The following CHRNB2 variants were observed in gnomAD, a reference collection of about 807,000 sequenced individuals.
The protein encoded by CHRNB2 is neuronal acetylcholine receptor subunit beta-2.
CHRNB2 carries 33 observed loss-of-function variants against 42.7 expected under a neutral mutation model. The observed-to-expected ratio is 0.77, with a 90% confidence interval of 0.59 to 1.03. CHRNB2 has a LOEUF of 1.03. Ranked by LOEUF, CHRNB2 falls within the 50% of genes least tolerant of loss-of-function variation. CHRNB2 has a pLI of 0.00. For missense variants in CHRNB2, 603 were observed against 700.9 expected, an observed-to-expected ratio of 0.86 and a Z score of 1.58; for synonymous variants, 325 against 292.9, an observed-to-expected ratio of 1.11 and a Z score of -1.12.
Position 154,572,015 on chromosome 1 carries a change from G to T in CHRNB2, c.1192G>T (p.Gly398Trp). Residue 398 changes from glycine (G) to tryptophan (W), a missense_variant, in exon 5 of 6, where the codon GGG becomes TGG. Around this residue, in one of 2 missense-constraint regions of CHRNB2, gnomAD observed 270 missense variants for 248.3 expected, o/e 1.09. Transcript: ENST00000368476. ...CTTCGTCAACCGCGCGTCGGTGCAG[G>T]GGTTGGCCGGGGCCTTCGGGGCTGA... ...TCFVNRASVQGLAGAFGAEPA... is the reference protein window; with the variant it reads ...TCFVNRASVQWLAGAFGAEPA... 1 of 1,533,974 alleles carries T rather than the reference G, an allele frequency of 6.5e-7. No homozygotes were observed.
At chr1:154,574,441 T>G (rs539757309) in intron 5 of CHRNB2, among the ~76,000 whole-genome samples, 1 of 152,334 alleles carries the variant, frequency 6.6e-6, no homozygotes, top group South Asian at 2.1e-4. Context: ...CTAGTTTCCT[T>G]CAATCTGGAA....
In CHRNB2 at chr1:154,571,357, C is replaced by T. The variant is rs1211673895; in HGVS notation, c.534C>T (p.Tyr178=). The T allele has an allele frequency of 8.1e-6, 13 of 1,614,214 alleles. No individual in the cohort carries two copies. Among genetic ancestry groups the T allele is most frequent in the African/African-American group, 1.3e-5 (1 of 75,040 alleles). ...NCTMKFRSWT[Y]DRTEIDLVLK... The stretch of plus-strand genomic sequence containing the variant: ...CCATGAAGTTCCGTTCGTGGACCTA[C>T]GACCGCACAGAGATCGACTTGGTGC... The change falls in exon 5 of 6, where the codon TAC becomes TAT. Residue 178 remains tyrosine, a synonymous_variant. Transcript: ENST00000368476. This position sits in a 1 kb window ranked among gnomAD's most constrained non-coding sequence, Gnocchi z 6.8.
chr1:154,577,892 G>A lies in CHRNB2; in HGVS notation c.*1960G>A, dbSNP rs954450305. On this transcript the variant is annotated 3_prime_UTR_variant, in exon 6 of 6. Coordinates refer to ENST00000368476, the MANE Select transcript of CHRNB2 (RefSeq NM_000748.3). ...TCTGGGTCAGCACCTCCTGACACAGGTGTGTGCTCAGGGACCCCAGGCTCT... is the reference window on the plus strand; with the variant it reads ...TCTGGGTCAGCACCTCCTGACACAGATGTGTGCTCAGGGACCCCAGGCTCT... 3 of 152,294 alleles carry A rather than the reference G, an allele frequency of 2.0e-5. No homozygotes were observed. Among genetic ancestry groups the A allele is most frequent in the Admixed American group, 6.5e-5 (1 of 15,270 alleles). 9.4% of individuals were successfully genotyped at this position (152,294 alleles called of 1,614,324 possible).
rs751625142 is a variant in CHRNB2 at position 154,571,914 on chromosome 1, G to T, written c.1091G>T (p.Arg364Leu). 1.3e-6 allele frequency: 2 copies of T among 1,571,070 alleles called. No individual in the cohort carries two copies. Among genetic ancestry groups the T allele is most frequent in the South Asian group, 1.1e-5 (1 of 87,438 alleles). ...HHCARQRLRL[R>L]RRQREREGAG... ...TGCGCCCGTCAGCGCCTGCGCCTGC[G>T]GCGACGCCAGCGTGAGCGCGAGGGC... The change falls in exon 5 of 6, where the codon CGG (arginine) becomes CTG (leucine). Residue 364 changes from arginine (R) to leucine (L), a missense_variant. Arg to Leu is a moderately radical substitution (Grantham distance 102). Around this residue, in one of 2 missense-constraint regions of CHRNB2, gnomAD observed 270 missense variants for 248.3 expected, o/e 1.09. Transcript: ENST00000368476. This position sits in a 1 kb window ranked among gnomAD's most constrained non-coding sequence, Gnocchi z 6.8.
rs1341049884 is a variant in CHRNB2, at chr1:154,572,004, C to T, written c.1181C>T (p.Ala394Val). 9.8e-6 allele frequency: 15 copies of T among 1,535,158 alleles called. No individual in the cohort carries two copies. The South Asian group carries it at 1.4e-4, about 15-fold the overall frequency. ...ADSCTCFVNR[A>V]SVQGLAGAFG... is the part of the protein sequence containing the mutation. ...TCCTGCACGTGCTTCGTCAACCGCG[C>T]GTCGGTGCAGGGGTTGGCCGGGGCC... Residue 394 changes from alanine (A) to valine (V), a missense_variant, in exon 5 of 6, where the codon GCG (alanine) becomes GTG (valine). This residue lies in a region of CHRNB2 where 270 missense variants were observed against 248.3 expected (regional missense o/e 1.09). Transcript: ENST00000368476.
Position 154,579,975 on chromosome 1 carries a change from C to T in CHRNB2, c.*4043C>T, listed in dbSNP as rs1196641176. On this transcript the variant is annotated 3_prime_UTR_variant, in exon 6 of 6. Transcript: ENST00000368476. ...GGGAGAATGCTGGAGAAACTGGACT[C>T]GTGAGAGCTTAAAGACATCACAAGA... 1.3e-5 allele frequency: 2 copies of T among 152,250 alleles called. No homozygotes were observed. The highest frequency in any genetic ancestry group is 2.1e-4 in the South Asian group (1 of 4,834). 9.4% of individuals were successfully genotyped at this position (152,250 alleles called of 1,614,324 possible).
At position 154,568,038 on chromosome 1, in the gene CHRNB2, C is replaced by G; in HGVS notation, c.-7C>G. ...GTGTAGGCGAGGCAGCGAGCTATGC[C>G]CGCGGCATGGCCCGGCGCTGCGGCC... On this transcript the variant is annotated 5_prime_UTR_variant, in exon 1 of 6. Coordinates refer to ENST00000368476, the MANE Select transcript of CHRNB2 (RefSeq NM_000748.3). The G allele has an allele frequency of 6.3e-7, 1 of 1,588,158 alleles. No homozygotes were observed. The highest frequency in any genetic ancestry group is 8.5e-7 in the Non-Finnish European group (1 of 1,169,948).
chr1:154,574,820 A>G (rs1696241132), intron 5 of CHRNB2, among the ~76,000 whole-genome samples: 1 of 152,132 alleles, frequency 6.6e-6, no homozygotes, highest in Non-Finnish European at 1.5e-5. Flanking sequence ...TTGCCAAGCG[A>G]GTGAGTTCTT....
chr1:154,568,145 C>T (rs1446344737), intron 1 of CHRNB2, 37 bp downstream of exon 1: 1 of 1,575,250 alleles, frequency 6.3e-7, no homozygotes, highest in African/African-American at 1.3e-5. Context: ...GTTCTCCTAC[C>T]CCAGCCAACG....
rs1209278491 is a variant in CHRNB2 at position 154,571,339 on chromosome 1, G to A, written c.516G>A (p.Lys172=). ...TTGACCAGCAGAACTGCACCATGAA[G>A]TTCCGTTCGTGGACCTACGACCGCA... ...FPFDQQNCTM[K]FRSWTYDRTE... is the part of the protein sequence containing the mutation. The change falls in exon 5 of 6, where the codon AAG becomes AAA. Residue 172 remains lysine (K), a synonymous_variant. Transcript: ENST00000368476. This position sits in a 1 kb window ranked among gnomAD's most constrained non-coding sequence, Gnocchi z 6.8. The A allele has an allele frequency of 3.1e-6, 5 of 1,614,200 alleles. No individual in the cohort carries two copies. The highest frequency in any genetic ancestry group is 4.2e-6 in the Non-Finnish European group (5 of 1,180,032).
rs771568668 is a variant in CHRNB2 at position 154,571,784 on chromosome 1, G to C, written c.961G>C (p.Val321Leu). The change falls in exon 5 of 6, where the codon GTG becomes CTG. Residue 321 changes from valine (V) to leucine (L), a missense_variant. Coordinates refer to ENST00000368476, the MANE Select transcript of CHRNB2 (RefSeq NM_000748.3). This position sits in a 1 kb window ranked among gnomAD's most constrained non-coding sequence, Gnocchi z 6.8. ...SIVTSVCVLNVHHRSPTTHTM... is the reference protein window; with the variant it reads ...SIVTSVCVLNLHHRSPTTHTM... ...CGTCACCAGCGTGTGCGTGCTCAAC[G>C]TGCACCACCGCTCGCCCACCACGCA... is the stretch of plus-strand genomic sequence containing the variant. 2.5e-6 allele frequency: 4 copies of C among 1,614,040 alleles called. No homozygotes were observed. The highest frequency in any genetic ancestry group is 3.3e-5 in the Admixed American group (2 of 60,010).
At chr1:154,570,951 GT>G (rs1405892498) in intron 4 of CHRNB2, among the ~76,000 whole-genome samples, 3 of 151,828 alleles carry the variant, frequency 2.0e-5, no homozygotes, top group Non-Finnish European at 4.4e-5. Flanking sequence ...TACCTGCAAG[GT>G]GTCACACAGG....
At chr1:154,568,658 G>A (rs1696105682) in intron 1 of CHRNB2, among the ~76,000 whole-genome samples, 1 of 152,022 alleles carries the variant, frequency 6.6e-6, no homozygotes, top group Non-Finnish European at 1.5e-5. Flanking sequence ...CTGCCAGGCT[G>A]AGGACTAGGA....
chr1:154,571,484 T>C lies in CHRNB2; in HGVS notation c.661T>C (p.Tyr221His). ...RRNENPDDST[Y>H]VDITYDFIIR... ...CAACGAGAACCCCGACGACTCTACGTACGTGGACATCACGTATGACTTCAT... is the reference window on the plus strand; with the variant it reads ...CAACGAGAACCCCGACGACTCTACGCACGTGGACATCACGTATGACTTCAT... The change falls in exon 5 of 6, where the codon TAC (tyrosine) becomes CAC (histidine). Residue 221 changes from tyrosine to histidine, a missense_variant. Around this residue, in one of 2 missense-constraint regions of CHRNB2, gnomAD observed 333 missense variants for 452.6 expected, o/e 0.74. Coordinates refer to ENST00000368476, the MANE Select transcript of CHRNB2 (RefSeq NM_000748.3). The surrounding 1 kb of genome is among the most constrained non-coding windows in gnomAD (Gnocchi z 6.8). 2 of 1,614,088 alleles carry C rather than the reference T, an allele frequency of 1.2e-6. No homozygotes were observed. Among genetic ancestry groups the C allele is most frequent in the Non-Finnish European group, 1.7e-6 (2 of 1,180,044 alleles).
chr1:154,571,283 G>A lies in CHRNB2; in HGVS notation c.460G>A (p.Ala154Thr), dbSNP rs769929506. 18 of 1,614,054 alleles carry A rather than the reference G, an allele frequency of 1.1e-5. No individual in the cohort carries two copies. Among genetic ancestry groups the A allele is most frequent in the African/African-American group, 5.3e-5 (4 of 74,910 alleles). Residue 154 changes from alanine (A) to threonine (T), a missense_variant, in exon 5 of 6, where the codon GCA (alanine) becomes ACA (threonine). Ala to Thr is a moderately conservative substitution (Grantham distance 58, BLOSUM62 0). Around this residue, in one of 2 missense-constraint regions of CHRNB2, gnomAD observed 333 missense variants for 452.6 expected, o/e 0.74. Transcript: ENST00000368476. The surrounding 1 kb of genome is among the most constrained non-coding windows in gnomAD (Gnocchi z 6.8). ...GCTGCCGCCTGCCATCTACAAGAGC[G>A]CATGCAAGATTGAAGTAAAGCACTT... ...FWLPPAIYKS[A>T]CKIEVKHFPF...
At position 154,576,157 on chromosome 1, in the gene CHRNB2, G is replaced by A. The variant is rs1240068700; in HGVS notation, c.*225G>A. ...TTGTTTTGGCTGCTCTCCATCTCTT[G>A]TACCAGCCCAGGCAATAGTGTTGAG... On this transcript the variant is annotated 3_prime_UTR_variant, in exon 6 of 6. Coordinates refer to ENST00000368476, the MANE Select transcript of CHRNB2 (RefSeq NM_000748.3). The A allele has an allele frequency of 1.7e-5, 10 of 600,574 alleles. 1 individual carries two copies. The highest frequency in any genetic ancestry group is 7.4e-5 in the South Asian group (4 of 53,818). The allele number at this position is 600,574 out of a possible 1,614,324, so 37.2% of individuals were successfully genotyped here. A position where few individuals can be genotyped will look rare whatever the true frequency, so the allele number is the denominator to read the frequency against.
Position 154,568,010 on chromosome 1 carries a change from C to G in CHRNB2, c.-35C>G, listed in dbSNP as rs956533445. On this transcript the variant is annotated 5_prime_UTR_variant, in exon 1 of 6. Transcript: ENST00000368476. Reference sequence around the variant, plus strand: ...CCCTCCCCCCGGCGGCGCGCTCCAGCCGGTGTAGGCGAGGCAGCGAGCTAT... The same window carrying G: ...CCCTCCCCCCGGCGGCGCGCTCCAGGCGGTGTAGGCGAGGCAGCGAGCTAT... 6.6e-7 allele frequency: 1 copy of G among 1,517,112 alleles called. No individual in the cohort carries two copies. Among genetic ancestry groups the G allele is most frequent in the Admixed American group, 2.1e-5 (1 of 48,038 alleles). 94.0% of individuals were successfully genotyped at this position (1,517,112 alleles called of 1,614,324 possible). A position where few individuals can be genotyped will look rare whatever the true frequency, so the allele number is the denominator to read the frequency against.
chr1:154,576,149 C>T lies in CHRNB2; in HGVS notation c.*217C>T. On this transcript the variant is annotated 3_prime_UTR_variant, in exon 6 of 6. Transcript: ENST00000368476. ...CAACTGCTTTGTTTTGGCTGCTCTC[C>T]ATCTCTTGTACCAGCCCAGGCAATA... 1.6e-6 allele frequency: 1 copy of T among 616,600 alleles called. No homozygotes were observed. Among genetic ancestry groups the T allele is most frequent in the Non-Finnish European group, 2.9e-6 (1 of 342,622 alleles). The allele number at this position is 616,600 out of a possible 1,614,324, so 38.2% of individuals were successfully genotyped here. A position where few individuals can be genotyped will look rare whatever the true frequency, so the allele number is the denominator to read the frequency against.
Position 154,567,992 on chromosome 1 carries a change from C to G in CHRNB2, c.-53C>G, listed in dbSNP as rs2280781. Reference sequence around the variant, plus strand: ...ACAGCGCCCCACCCGCGGCCCTCCCCCCGGCGGCGCGCTCCAGCCGGTGTA... The same window carrying G: ...ACAGCGCCCCACCCGCGGCCCTCCCGCCGGCGGCGCGCTCCAGCCGGTGTA... On this transcript the variant is annotated 5_prime_UTR_variant, in exon 1 of 6. Transcript: ENST00000368476. 5.3e-5 allele frequency: 79 copies of G among 1,477,754 alleles called. No individual in the cohort carries two copies. Among genetic ancestry groups the G allele is most frequent in the East Asian group, 3.6e-4 (13 of 35,952 alleles). 91.5% of individuals were successfully genotyped at this position (1,477,754 alleles called of 1,614,324 possible). A position where few individuals can be genotyped will look rare whatever the true frequency, so the allele number is the denominator to read the frequency against.
Sources: allele counts gnomAD v4.1 joint callset (sites outside exome capture counted in the v4.1 genomes callset), GRCh38; gene constraint gnomAD v4.1.1; regional missense constraint gnomAD v4.1.1; non-coding constraint Gnocchi (gnomAD v3.1); transcripts MANE v1.5; gene names NCBI Gene and HGNC (gene_info 2026-07-23, HGNC 2026-07-21).